Variants in DSCAM observed in about 807,000 individuals in gnomAD.
The protein encoded by DSCAM is DS cell adhesion molecule.
DSCAM carries 47 observed loss-of-function variants against 217.7 expected under a neutral mutation model. The ratio of observed to expected loss-of-function variants is 0.22; its 90% CI spans 0.17 to 0.28. DSCAM has a LOEUF of 0.28. Among genes scored for constraint, DSCAM ranks in the 10% least tolerant of loss-of-function variants. The pLI, the probability that DSCAM is intolerant of heterozygous loss-of-function variation, is 1.00. For missense variants in DSCAM, 2,080 were observed against 2,618.3 expected, an observed-to-expected ratio of 0.79 and a Z score of 4.49; for synonymous variants, 1,056 against 1,015.3, an observed-to-expected ratio of 1.04 and a Z score of -0.76.
intron 8 of DSCAM, among the ~76,000 whole-genome samples, chr21:40,334,821 C>T (rs575561110): frequency 1.3e-5 from 2 of 152,132 alleles, no homozygotes; most frequent in Non-Finnish European, 2.9e-5. Flanking sequence ...CTAAAAGCAT[C>T]CTTTTAAAAC....
intron 3 of DSCAM, among the ~76,000 whole-genome samples, chr21:40,566,892 C>T (rs2146196494): frequency 6.6e-6 from 1 of 152,174 alleles, no homozygotes. Flanking sequence ...CATTGGCCCT[C>T]TGTGAGACAC....
chr21:40,536,635 T>C (rs1442276788), intron 3 of DSCAM, among the ~76,000 whole-genome samples: 1 of 152,202 alleles, frequency 6.6e-6, no homozygotes, highest in Non-Finnish European at 1.5e-5. Flanking sequence ...CTCGATCTCC[T>C]GACCTCGTGA....
At chr21:40,414,219 C>G (rs2075349433) in intron 3 of DSCAM, among the ~76,000 whole-genome samples, 1 of 152,030 alleles carries the variant, frequency 6.6e-6, no homozygotes, top group Non-Finnish European at 1.5e-5. Flanking sequence ...AAAATATTTA[C>G]AAAACATATA....
At chr21:40,159,594 A>T (rs2090517420) in intron 16 of DSCAM, among the ~76,000 whole-genome samples, 1 of 152,152 alleles carries the variant, frequency 6.6e-6, no homozygotes, top group Non-Finnish European at 1.5e-5. Context: ...TAATTAATTA[A>T]ATTTTTGAGA....
chr21:40,639,686 TGC>T (rs1236308845), intron 3 of DSCAM, among the ~76,000 whole-genome samples: 5 of 120,230 alleles, frequency 4.2e-5, no homozygotes, highest in African/African-American at 1.5e-4. Context: ...TGTATGTGTG[TGC>T]ATGTGTGTGT....
chr21:40,797,899 T>C (rs150417632), intron 1 of DSCAM, among the ~76,000 whole-genome samples: 2,690 of 151,872 alleles, frequency 0.018, 46 homozygotes, highest in Non-Finnish European at 0.031. Context: ...TACCAAAATA[T>C]GAAAAATGGA....
intron 1 of DSCAM, among the ~76,000 whole-genome samples, chr21:40,784,831 T>C (rs540148343): frequency 1.3e-5 from 2 of 152,318 alleles, no homozygotes; most frequent in East Asian, 3.9e-4. Flanking sequence ...TGTTAGACTT[T>C]CAGCCTCCAG....
At chr21:40,654,816 T>A (rs923367709) in intron 3 of DSCAM, among the ~76,000 whole-genome samples, 55 of 152,130 alleles carry the variant, frequency 3.6e-4, no homozygotes, top group African/African-American at 1.3e-3. Flanking sequence ...ATCTCCAGAT[T>A]CTTAATCACA....
At chr21:40,049,607 G>A (rs1377610952) in intron 30 of DSCAM, among the ~76,000 whole-genome samples, 1 of 152,186 alleles carries the variant, frequency 6.6e-6, no homozygotes, top group Non-Finnish European at 1.5e-5. Context: ...CTTACTCATG[G>A]TGTATCTCCA....
chr21:40,357,062 G>A (rs895973966), intron 4 of DSCAM, among the ~76,000 whole-genome samples: 2 of 152,082 alleles, frequency 1.3e-5, no homozygotes, highest in Non-Finnish European at 1.5e-5. Context: ...TGAGCTTCCA[G>A]GACTCCTCTA....
chr21:40,629,380 T>C (rs1188688975), intron 3 of DSCAM, among the ~76,000 whole-genome samples: 1 of 152,214 alleles, frequency 6.6e-6, no homozygotes, highest in Non-Finnish European at 1.5e-5. Context: ...TGCATTTGTA[T>C]GTATAGCCTG....
intron 1 of DSCAM, 33 bp from the exon 2 acceptor site, chr21:40,708,804 A>G (rs1222532904): frequency 1.4e-6 from 2 of 1,404,986 alleles, no homozygotes; most frequent in South Asian, 1.8e-5. Flanking sequence ...TCCATAGGTG[A>G]GTAAAACATG....
intron 11 of DSCAM, among the ~76,000 whole-genome samples, chr21:40,272,420 A>G (rs568838233): frequency 1.6e-4 from 24 of 152,274 alleles, no homozygotes; most frequent in Admixed American, 1.0e-3. Context: ...AATTCCATAC[A>G]TGCTTGCTGG....
chr21:40,304,221 C>T (rs1226674763), intron 9 of DSCAM, among the ~76,000 whole-genome samples: 1 of 152,168 alleles, frequency 6.6e-6, no homozygotes, highest in Non-Finnish European at 1.5e-5. Context: ...CAAGTCTTTA[C>T]AAATCTTCCC....
intron 3 of DSCAM, among the ~76,000 whole-genome samples, chr21:40,511,720 G>A (rs1367733218): frequency 2.0e-5 from 3 of 151,952 alleles, no homozygotes; most frequent in African/African-American, 7.3e-5. Flanking sequence ...GGCCGGGCGC[G>A]GTGGCTCACG....
At chr21:40,063,854 C>T (rs116464459) in intron 27 of DSCAM, among the ~76,000 whole-genome samples, 4,860 of 152,186 alleles carry the variant, frequency 0.032, 119 homozygotes, top group African/African-American at 0.061. Flanking sequence ...AGAATGACCA[C>T]GTAGAGGCTG....
chr21:40,424,793 GGGGGTTTCCACAAAAAATTATCACAACA>G (rs1376266390), intron 3 of DSCAM, among the ~76,000 whole-genome samples: 1 of 152,150 alleles, frequency 6.6e-6, no homozygotes, highest in Admixed American at 6.5e-5. Context: ...TGAGTTTCCT[GGGGGTTTCCACAAAAAATTATCACAACA>G]GGCCAGTCGC....
intron 11 of DSCAM, among the ~76,000 whole-genome samples, chr21:40,253,633 C>G (rs2073333589): frequency 6.6e-6 from 1 of 152,226 alleles, no homozygotes. Context: ...AGATCTCAGT[C>G]ATGTGGCCAA....
intron 3 of DSCAM, among the ~76,000 whole-genome samples, chr21:40,387,778 AGAATT>A (rs1298288308): frequency 5.2e-4 from 79 of 152,216 alleles, no homozygotes; most frequent in African/African-American, 1.8e-3. Context: ...GCAAAACTAT[AGAATT>A]GAATTAAAAA....
Sources: allele counts gnomAD v4.1 joint callset (sites outside exome capture counted in the v4.1 genomes callset), GRCh38; gene constraint gnomAD v4.1.1; transcripts MANE v1.5; gene names NCBI Gene and HGNC (gene_info 2026-07-23, HGNC 2026-07-21).